KDM6A: variants seen among roughly 807,000 people sequenced by gnomAD.
KDM6A encodes the protein lysine-specific demethylase 6A.
KDM6A carries 11 observed loss-of-function variants against 117.6 expected under a neutral mutation model. The observed-to-expected ratio is 0.09, with a 90% CI of 0.06 to 0.15. KDM6A has a LOEUF of 0.15. Among genes scored for constraint, KDM6A ranks in the 10% least tolerant of loss-of-function variants. The pLI is 1.00. For missense variants in KDM6A, 799 were observed against 1,077.3 expected, an observed-to-expected ratio of 0.74 and a Z score of 3.62; for synonymous variants, 384 against 396.1, an observed-to-expected ratio of 0.97 and a Z score of 0.36.
At chrX:45,045,056 G>A (rs2043468064) in intron 8 of KDM6A, among the ~76,000 whole-genome samples, 1 of 111,540 alleles carries the variant, frequency 9.0e-6, no homozygotes, top group Non-Finnish European at 1.9e-5. Flanking sequence ...TAAATATGTA[G>A]GGTTTATTTC....
rs2148056599 is a variant in KDM6A at position 45,070,291 on chromosome X, C to T, written c.2792C>T (p.Pro931Leu). The change falls in exon 18 of 30, where the codon CCA (proline) becomes CTA (leucine). Residue 931 changes from proline to leucine, a missense_variant. Transcript: ENST00000611820. Reference sequence around the variant, plus strand: ...CTTCTGGTTAACCACAAACCTAGTCCACAGATCATACCATCAATGTCTGTG... The same window carrying T: ...CTTCTGGTTAACCACAAACCTAGTCTACAGATCATACCATCAATGTCTGTG... ...DLLLVNHKPS[P>L]QIIPSMSVSI... is the part of the protein sequence containing the mutation. 8.3e-7 allele frequency: 1 copy of T among 1,210,614 alleles called. No homozygotes were observed. The highest frequency in any genetic ancestry group is 1.1e-6 in the Non-Finnish European group (1 of 894,539).
At chrX:44,883,981 A>G (rs1385277716) in intron 2 of KDM6A, among the ~76,000 whole-genome samples, 2 of 108,345 alleles carry the variant, frequency 1.8e-5, no homozygotes, top group African/African-American at 6.7e-5. Context: ...GCATGCCTGT[A>G]ATTCCAGCTA....
At chrX:44,936,309 C>G (rs1242234912) in intron 2 of KDM6A, among the ~76,000 whole-genome samples, 2 of 111,061 alleles carry the variant, frequency 1.8e-5, no homozygotes, top group African/African-American at 6.5e-5. Context: ...CATCTTTTTA[C>G]CAGATAAGGT....
intron 25 of KDM6A, among the ~76,000 whole-genome samples, chrX:45,088,067 C>G (rs780632076): frequency 1.8e-5 from 2 of 110,549 alleles, no homozygotes; most frequent in Non-Finnish European, 3.8e-5. Context: ...CGGGGGGTGT[C>G]TGTTTGGGAT....
intron 2 of KDM6A, among the ~76,000 whole-genome samples, chrX:44,935,047 A>C (rs7054198): frequency 0.22 from 24,171 of 109,564 alleles, 4,377 homozygotes; most frequent in African/African-American, 0.61. Flanking sequence ...CATTGTTTTT[A>C]CCCCCCTCTA....
intron 4 of KDM6A, among the ~76,000 whole-genome samples, chrX:44,993,562 G>A (rs1006163503): frequency 5.4e-5 from 6 of 110,631 alleles, no homozygotes; most frequent in African/African-American, 1.6e-4. Context: ...TTAAAAAGTT[G>A]TTAGTGTTGT....
At chrX:45,047,688 T>TC (rs1332915851) in intron 8 of KDM6A, among the ~76,000 whole-genome samples, 70 of 70,506 alleles carry the variant, frequency 9.9e-4, no homozygotes, top group Middle Eastern at 6.3e-3. Flanking sequence ...TTTTTTTTTT[T>TC]TTTTTTTTTT....
chrX:45,099,295 CT>C (rs11380643), intron 27 of KDM6A, among the ~76,000 whole-genome samples: 445 of 100,735 alleles, frequency 4.4e-3, no homozygotes, highest in Admixed American at 6.0e-3. Context: ...CCAAAAATGT[CT>C]TTTTTTTTTT....
At chrX:44,976,443 C>T (rs1052190970) in intron 4 of KDM6A, among the ~76,000 whole-genome samples, 9 of 110,707 alleles carry the variant, frequency 8.1e-5, no homozygotes, top group Non-Finnish European at 1.7e-4. Flanking sequence ...TACCAAAATC[C>T]ATGGATACTC....
At chrX:45,091,574 A>G (rs1022949602) in intron 27 of KDM6A, among the ~76,000 whole-genome samples, 2 of 112,081 alleles carry the variant, frequency 1.8e-5, no homozygotes, top group African/African-American at 6.5e-5. Flanking sequence ...CAGCAAGTGG[A>G]CAAGTCCTTT....
intron 24 of KDM6A, among the ~76,000 whole-genome samples, chrX:45,084,534 T>C (rs1202619946): frequency 1.8e-5 from 2 of 111,867 alleles, no homozygotes; most frequent in Non-Finnish European, 3.8e-5. Context: ...TGCTTAAGAA[T>C]TTTTTCAGAA....
intron 2 of KDM6A, among the ~76,000 whole-genome samples, chrX:44,892,769 C>T (rs1391041215): frequency 1.8e-5 from 2 of 109,179 alleles, no homozygotes; most frequent in African/African-American, 3.3e-5. Flanking sequence ...TTTGGGAGGC[C>T]GAGTGGGTGG....
At chrX:45,082,685 A>G (rs757038372) in intron 22 of KDM6A, 30 bp from the exon 23 acceptor site, 3 of 1,175,605 alleles carry the variant, frequency 2.6e-6, no homozygotes, top group Non-Finnish European at 3.5e-6. Flanking sequence ...TTTAAAAGGC[A>G]TGTTTCTAAT....
intron 2 of KDM6A, among the ~76,000 whole-genome samples, chrX:44,951,490 T>G (rs1274728650): frequency 8.9e-6 from 1 of 111,981 alleles, no homozygotes; most frequent in African/African-American, 3.2e-5. Flanking sequence ...GAACTTAGTT[T>G]TTTTTGGTTG....
Position 44,983,475 on chromosome X carries a change from C to T in KDM6A, c.384+8760C>T, listed in dbSNP as rs1190086409. ...ATGTGCACAACGTGCAGGTTAGTTA[C>T]ATATGTATACATGTGCCATGTTGGT... On this transcript the variant is annotated intron_variant, in intron 4 of 29. Coordinates refer to ENST00000611820, the MANE Select transcript of KDM6A (RefSeq NM_001291415.2). 2.7e-5 allele frequency among the ~76,000 whole-genome samples: 3 copies of T among 110,695 alleles called. 1 individual carries two copies. Among genetic ancestry groups the T allele is most frequent in the Admixed American group, 1.9e-4 (2 of 10,397 alleles).
chrX:45,063,336 C>A lies in KDM6A; in HGVS notation c.1684-86C>A, dbSNP rs766586286. 478 of 877,901 alleles carry A rather than the reference C, an allele frequency of 5.4e-4. 1 individual carries two copies. In the African/African-American group the frequency reaches 8.5e-3, roughly 16 times the overall value. The allele number at this position is 877,901 out of a possible 1,213,427, so 72.3% of individuals were successfully genotyped here. A position where few individuals can be genotyped will look rare whatever the true frequency, so the allele number is the denominator to read the frequency against. On this transcript the variant is annotated intron_variant, in intron 16 of 29. Transcript: ENST00000611820. ...CCTAATTATACATCTTCATATTCAT[C>A]TGGGGATTCATAGAGAATCCCCTAT...
intron 27 of KDM6A, among the ~76,000 whole-genome samples, chrX:45,093,879 T>C (rs1044873661): frequency 9.9e-5 from 11 of 111,542 alleles, no homozygotes; most frequent in African/African-American, 3.3e-4. Flanking sequence ...TTGTTTCTTA[T>C]ACATTTCTTT....
chrX:44,948,016 C>A (rs1436675976), intron 2 of KDM6A, among the ~76,000 whole-genome samples: 1 of 111,617 alleles, frequency 9.0e-6, no homozygotes, highest in Non-Finnish European at 1.9e-5. Context: ...AAAGTCCATT[C>A]TTTGTAGAGC....
At chrX:44,875,892 G>T (rs2031482849) in intron 2 of KDM6A, among the ~76,000 whole-genome samples, 1 of 111,785 alleles carries the variant, frequency 8.9e-6, no homozygotes, top group Non-Finnish European at 1.9e-5. Context: ...TGCGAATAGT[G>T]CTTAACATTG....
Sources: allele counts gnomAD v4.1 joint callset (sites outside exome capture counted in the v4.1 genomes callset), GRCh38; gene constraint gnomAD v4.1.1; transcripts MANE v1.5; gene names NCBI Gene and HGNC (gene_info 2026-07-23, HGNC 2026-07-21).